TMEM45B: variants seen among roughly 807,000 people sequenced by gnomAD.
TMEM45B encodes the protein transmembrane protein 45B.
In TMEM45B, 29 loss-of-function variants were observed where a neutral mutation model predicts 27.3. The ratio of observed to expected loss-of-function variants is 1.06; its 90% confidence interval spans 0.79 to 1.45. The LOEUF (loss-of-function observed/expected upper bound fraction) is 1.45. Among genes scored for constraint, TMEM45B ranks in the 40% most tolerant of loss-of-function variants. The pLI, the probability that TMEM45B is intolerant of heterozygous loss-of-function variation, is 0.00. For missense variants in TMEM45B, 348 were observed against 343.9 expected, an observed-to-expected ratio of 1.01 and a Z score of -0.09; for synonymous variants, 143 against 134.7, an observed-to-expected ratio of 1.06 and a Z score of -0.43.
rs570137480 is a variant in TMEM45B, at chr11:129,848,140, C to G, written c.-8-4335C>G. On this transcript the variant is annotated intron_variant, in intron 1 of 5. Coordinates refer to ENST00000281441, the MANE Select transcript of TMEM45B (RefSeq NM_138788.5). The stretch of plus-strand genomic sequence containing the variant: ...GGCGGCCGGGCAGAGGCTGCAATCT[C>G]GGCACTTTGGGAGGCCAAGGCAGGC... Among the ~76,000 whole-genome samples the G allele has an allele frequency of 8.6e-4, 129 of 150,624 alleles. 2 individuals are homozygous for G. Among genetic ancestry groups the G allele is most frequent in the African/African-American group, 3.1e-3 (126 of 40,738 alleles).
Position 129,859,770 on chromosome 11 carries a change from G to C in TMEM45B, c.*1085G>C, listed in dbSNP as rs1197244434. ...GGTAGGGGAGCTTGCAGTGAGCCCA[G>C]ATCATGCCACTGTACTCCAGCCTAG... On this transcript the variant is annotated 3_prime_UTR_variant, in exon 6 of 6. Transcript: ENST00000281441. The C allele has an allele frequency of 6.6e-6, 1 of 152,180 alleles. No homozygotes were observed. The highest frequency in any genetic ancestry group is 1.5e-5 in the Non-Finnish European group (1 of 68,048). The allele number at this position is 152,180 out of a possible 1,614,324, so 9.4% of individuals were successfully genotyped here. A position where few individuals can be genotyped will look rare whatever the true frequency, so the allele number is the denominator to read the frequency against.
chr11:129,852,181 T>G (rs543278949), intron 1 of TMEM45B, among the ~76,000 whole-genome samples: 6 of 152,308 alleles, frequency 3.9e-5, no homozygotes, highest in Non-Finnish European at 7.4e-5. Flanking sequence ...CTTGGAAGTT[T>G]TCTCTATCTG....
intron 2 of TMEM45B, 31 bp downstream of exon 2, chr11:129,852,691 TCTC>T (rs1462976980): frequency 2.5e-6 from 4 of 1,574,356 alleles, no homozygotes; most frequent in East Asian, 2.3e-5. Flanking sequence ...GTCTAGGGAA[TCTC>T]CTCATCATAC....
chr11:129,856,213 CTGTTT>C (rs1409025406), intron 4 of TMEM45B, among the ~76,000 whole-genome samples: 1 of 152,046 alleles, frequency 6.6e-6, no homozygotes, highest in African/African-American at 2.4e-5. Context: ...CCCTGAAGTT[CTGTTT>C]TGTTGTTTGT....
At chr11:129,844,198 A>G (rs1380241611) in intron 1 of TMEM45B, among the ~76,000 whole-genome samples, 1 of 152,222 alleles carries the variant, frequency 6.6e-6, no homozygotes, top group Non-Finnish European at 1.5e-5. Flanking sequence ...TAAGCCAGAC[A>G]CAGAAAAAAT....
chr11:129,819,089 A>AT (rs1445285599), intron 1 of TMEM45B, among the ~76,000 whole-genome samples: 1 of 152,200 alleles, frequency 6.6e-6, no homozygotes, highest in Non-Finnish European at 1.5e-5. Flanking sequence ...AACTGTTATT[A>AT]TAACTGTAGC....
intron 1 of TMEM45B, among the ~76,000 whole-genome samples, chr11:129,827,564 G>A (rs1230766752): frequency 1.3e-5 from 2 of 152,180 alleles, no homozygotes; most frequent in Non-Finnish European, 1.5e-5. Flanking sequence ...AGCACTTTGG[G>A]AGGCGGAGGC....
chr11:129,829,769 G>T (rs192194824), intron 1 of TMEM45B, among the ~76,000 whole-genome samples: 2 of 152,230 alleles, frequency 1.3e-5, no homozygotes, highest in East Asian at 1.9e-4. Flanking sequence ...AGTGTTCTCT[G>T]TATACTCTAG....
At chr11:129,853,672 G>A (rs1947880263) in intron 2 of TMEM45B, among the ~76,000 whole-genome samples, 1 of 152,066 alleles carries the variant, frequency 6.6e-6, no homozygotes, top group Admixed American at 6.5e-5. Context: ...CACTGTTCCA[G>A]GCATAGGAGA....
chr11:129,822,078 C>T (rs1165197125), intron 1 of TMEM45B, among the ~76,000 whole-genome samples: 15 of 151,946 alleles, frequency 9.9e-5, no homozygotes, highest in Admixed American at 4.6e-4. Flanking sequence ...TAAAAAATAT[C>T]CCATGTTTTT....
chr11:129,857,527 C>A, intron 5 of TMEM45B, 69 bp downstream of exon 5: 1 of 1,574,602 alleles, frequency 6.4e-7, no homozygotes, highest in South Asian at 1.1e-5. Flanking sequence ...TAACTTGCAC[C>A]ATCTGATGAG....
chr11:129,824,456 G>A (rs1472577417), intron 1 of TMEM45B, among the ~76,000 whole-genome samples: 1 of 152,096 alleles, frequency 6.6e-6, no homozygotes, highest in Non-Finnish European at 1.5e-5. Flanking sequence ...ATATCATCTG[G>A]GGGGAAAGGA....
At chr11:129,852,719 T>A in intron 2 of TMEM45B, 59 bp downstream of exon 2, 1 of 1,525,818 alleles carries the variant, frequency 6.6e-7, no homozygotes, top group Non-Finnish European at 8.9e-7. Context: ...AACCTTTAAT[T>A]CATTTTCTGA....
chr11:129,854,863 T>C, intron 3 of TMEM45B, 47 bp downstream of exon 3: 6 of 1,587,996 alleles, frequency 3.8e-6, no homozygotes, highest in Non-Finnish European at 5.1e-6. Flanking sequence ...TGACAAGTCA[T>C]ATTTATGAAG....
intron 1 of TMEM45B, among the ~76,000 whole-genome samples, chr11:129,845,088 AC>A (rs1428513729): frequency 6.6e-6 from 1 of 152,232 alleles, no homozygotes; most frequent in East Asian, 1.9e-4. Context: ...AATAATTGCC[AC>A]ACCATTAGTT....
chr11:129,837,491 T>C (rs1443407443), intron 1 of TMEM45B, among the ~76,000 whole-genome samples: 2 of 151,366 alleles, frequency 1.3e-5, no homozygotes, highest in Non-Finnish European at 2.9e-5. Flanking sequence ...TTCACTATGT[T>C]GGCCAGGCTG....
intron 1 of TMEM45B, among the ~76,000 whole-genome samples, chr11:129,829,668 T>A (rs1947525465): frequency 6.6e-6 from 1 of 152,230 alleles, no homozygotes; most frequent in African/African-American, 2.4e-5. Context: ...TGTGTGTTTT[T>A]CCAGGAAGCT....
chr11:129,858,146 C>CTG, intron 5 of TMEM45B, among the ~76,000 whole-genome samples: 1 of 152,254 alleles, frequency 6.6e-6, no homozygotes, highest in African/African-American at 2.4e-5. Context: ...ATGGTATTAC[C>CTG]AGTTCTATTT....
intron 1 of TMEM45B, chr11:129,828,037 C>T: frequency 6.6e-6 from 1 of 152,156 alleles, no homozygotes; most frequent in East Asian, 1.9e-4. Context: ...CTGTCATTAA[C>T]CAAAATGTCA....
Sources: allele counts gnomAD v4.1 joint callset (sites outside exome capture counted in the v4.1 genomes callset), GRCh38; gene constraint gnomAD v4.1.1; transcripts MANE v1.5; gene names NCBI Gene and HGNC (gene_info 2026-07-23, HGNC 2026-07-21).